SLC5A10: variants seen among roughly 807,000 people sequenced by gnomAD.
SLC5A10 encodes sodium/mannose cotransporter SLC5A10.
A neutral mutation model predicts 68.9 loss-of-function variants in SLC5A10; 55 were observed. The observed-to-expected ratio is 0.80, with a 90% CI of 0.64 to 1.00. The LOEUF is 1.00. SLC5A10 is among the 50% of genes least tolerant of loss of function. SLC5A10 has a pLI of 0.00. For synonymous variants in SLC5A10, 344 were observed against 344.8 expected (o/e 1.00, Z 0.02); for missense variants, 732 against 819.3 (o/e 0.89, Z 1.30).
chr17:18,952,461 G>C (rs1353337251), intron 1 of SLC5A10, 145 bp downstream of exon 1: 2 of 989,006 alleles, frequency 2.0e-6, no homozygotes, highest in Non-Finnish European at 2.9e-6. Flanking sequence ...TCCCAGCCTG[G>C]GGTAGACTTG....
chr17:18,962,866 G>C (rs2042638997), intron 5 of SLC5A10, among the ~76,000 whole-genome samples: 1 of 152,150 alleles, frequency 6.6e-6, no homozygotes, highest in South Asian at 2.1e-4. Context: ...CTCTGCAGTA[G>C]AGCTTATACC....
At chr17:18,951,998 T>C (rs920526530), upstream of SLC5A10, 2 of 687,590 alleles carry the variant, frequency 2.9e-6, no homozygotes, top group Non-Finnish European at 2.2e-6. Context: ...CCCTGACTCC[T>C]GCGCTCTGGG....
chr17:19,016,702 AG>A (rs1315880093), intron 11 of SLC5A10, among the ~76,000 whole-genome samples: 1 of 152,162 alleles, frequency 6.6e-6, no homozygotes, highest in East Asian at 1.9e-4. Flanking sequence ...CTCACTGGGC[AG>A]GACACTTCCA....
chr17:18,965,755 A>G (rs940744459), intron 5 of SLC5A10, among the ~76,000 whole-genome samples: 1 of 152,132 alleles, frequency 6.6e-6, no homozygotes, highest in Non-Finnish European at 1.5e-5. Flanking sequence ...CCAGGAGAGG[A>G]GTGGCTTGCT....
intron 9 of SLC5A10, chr17:18,988,175 C>T: frequency 6.4e-7 from 1 of 1,563,336 alleles, no homozygotes. Context: ...CAGGCAGGTA[C>T]TCGAAGTGTT....
intron 5 of SLC5A10, among the ~76,000 whole-genome samples, chr17:18,961,876 A>G (rs2042619831): frequency 6.6e-6 from 1 of 152,110 alleles, no homozygotes; most frequent in Non-Finnish European, 1.5e-5. Flanking sequence ...GGATTCCCAG[A>G]GTGTCTCATC....
chr17:19,020,241 A>C, intron 14 of SLC5A10, 29 bp downstream of exon 14: 1 of 1,613,352 alleles, frequency 6.2e-7, no homozygotes, highest in Non-Finnish European at 8.5e-7. Context: ...GCACTCCTCC[A>C]CCTTGACCCT....
chr17:18,957,720 T>G (rs1327042126), intron 1 of SLC5A10, among the ~76,000 whole-genome samples: 1 of 152,196 alleles, frequency 6.6e-6, no homozygotes, highest in African/African-American at 2.4e-5. Context: ...CACCTCGGCC[T>G]CCCAAAGTGC....
intron 11 of SLC5A10, among the ~76,000 whole-genome samples, chr17:19,015,568 A>G (rs1002447002): frequency 2.6e-5 from 4 of 152,206 alleles, no homozygotes; most frequent in Non-Finnish European, 5.9e-5. Flanking sequence ...AGGACTGGCC[A>G]CACTTGGGCT....
chr17:18,991,426 C>T (rs2043421778), intron 9 of SLC5A10, among the ~76,000 whole-genome samples: 1 of 152,192 alleles, frequency 6.6e-6, no homozygotes, highest in African/African-American at 2.4e-5. Flanking sequence ...TGGCCCAAGT[C>T]AAGAAAAGTA....
intron 9 of SLC5A10, among the ~76,000 whole-genome samples, chr17:19,006,409 T>G (rs1025679241): frequency 6.9e-6 from 1 of 145,702 alleles, no homozygotes; most frequent in Non-Finnish European, 1.6e-5. Flanking sequence ...TTTTCTTTTT[T>G]TTTTTTTTTT....
At chr17:19,001,820 A>G (rs2152141645) in intron 9 of SLC5A10, among the ~76,000 whole-genome samples, 1 of 152,332 alleles carries the variant, frequency 6.6e-6, no homozygotes, top group South Asian at 2.1e-4. Flanking sequence ...GTCTGTCTGC[A>G]GACCCTCTGG....
chr17:18,955,409 C>T (rs991529249), intron 1 of SLC5A10, among the ~76,000 whole-genome samples: 2 of 152,188 alleles, frequency 1.3e-5, no homozygotes, highest in Non-Finnish European at 2.9e-5. Flanking sequence ...AGAGCTGTTG[C>T]GAGGACTAAG....
chr17:19,019,424 C>G lies in SLC5A10; in HGVS notation c.1243C>G (p.Leu415Val). ...GERELLLVGR[L>V]VIVALIGVSV... is the part of the protein sequence containing the mutation. ...TGCCTGCCTTCCACTCGCCTGCAGGCTGGTCATAGTGGCACTCATCGGCGT... is the reference window on the plus strand; with the variant it reads ...TGCCTGCCTTCCACTCGCCTGCAGGGTGGTCATAGTGGCACTCATCGGCGT... Residue 415 changes from leucine (L) to valine (V), a missense_variant and splice_region_variant, in exon 12 of 15, where the codon CTG becomes GTG. Transcript: ENST00000395645. 1 of 1,609,264 alleles carries G rather than the reference C, an allele frequency of 6.2e-7. No individual in the cohort carries two copies. The highest frequency in any genetic ancestry group is 2.2e-5 in the East Asian group (1 of 44,866).
At chr17:18,973,741 A>C (rs1597838993) in intron 8 of SLC5A10, among the ~76,000 whole-genome samples, 1 of 152,114 alleles carries the variant, frequency 6.6e-6, no homozygotes, top group East Asian at 1.9e-4. Context: ...TCTGTTGCTC[A>C]GGCTGGAGTG....
intron 9 of SLC5A10, chr17:18,979,620 G>A: frequency 6.2e-7 from 1 of 1,613,536 alleles, no homozygotes; most frequent in East Asian, 2.2e-5. Flanking sequence ...CCTTGAACTT[G>A]GTTGCCGACC....
chr17:18,986,325 T>A (rs2043267706), intron 9 of SLC5A10: 1 of 152,242 alleles, frequency 6.6e-6, no homozygotes, highest in Admixed American at 6.5e-5. Flanking sequence ...ATCAAGTTCA[T>A]CCTTTGATGC....
Position 19,022,310 on chromosome 17 carries a change from C to T in SLC5A10, c.*1879C>T. ...CAATGGTAGTGCCACCACTGGGCCT[C>T]CTGCTGCCCACACCCCTGCCTGTCT... On this transcript the variant is annotated 3_prime_UTR_variant, in exon 15 of 15. Coordinates refer to ENST00000395645, the MANE Select transcript of SLC5A10 (RefSeq NM_001042450.4). The T allele has an allele frequency of 2.1e-6, 1 of 478,154 alleles. No homozygotes were observed. The highest frequency in any genetic ancestry group is 3.8e-6 in the Non-Finnish European group (1 of 264,208). 29.6% of individuals were successfully genotyped at this position (478,154 alleles called of 1,614,324 possible). A position where few individuals can be genotyped will look rare whatever the true frequency, so the allele number is the denominator to read the frequency against.
intron 1 of SLC5A10, chr17:18,954,053 C>G (rs182309195): frequency 6.4e-4 from 97 of 152,356 alleles, no homozygotes; most frequent in African/African-American, 2.3e-3. Flanking sequence ...TCCTCAAACA[C>G]GCAATGCGGG....
Sources: allele counts gnomAD v4.1 joint callset (sites outside exome capture counted in the v4.1 genomes callset), GRCh38; gene constraint gnomAD v4.1.1; transcripts MANE v1.5; gene names NCBI Gene and HGNC (gene_info 2026-07-23, HGNC 2026-07-21).